SATB1: variants seen among roughly 807,000 people sequenced by gnomAD.
SATB1 encodes the protein SATB homeobox 1, also known as DNA-binding protein SATB1.
A neutral mutation model predicts 86.9 loss-of-function variants in SATB1; 11 were observed. That is an observed-to-expected ratio of 0.13 (90% CI 0.08 to 0.21). The LOEUF (loss-of-function observed/expected upper bound fraction) is 0.21, where lower values mean the gene tolerates loss of function less well. SATB1 is among the 10% of genes least tolerant of loss of function. The pLI, the probability that SATB1 is intolerant of heterozygous loss-of-function variation, is 1.00. For synonymous variants in SATB1, 357 were observed against 357.2 expected (o/e 1.00, Z 0.01); for missense variants, 551 against 937.6 (o/e 0.59, Z 5.39).
At position 18,444,723 on chromosome 3, in the gene SATB1, TGCCGCCGCC is replaced by T; in HGVS notation, c.-25+786_-25+794del. 1 of 879,126 alleles carries T rather than the reference TGCCGCCGCC, an allele frequency of 1.1e-6. No individual in the cohort carries two copies. Among genetic ancestry groups the T allele is most frequent in the Non-Finnish European group, 1.4e-6 (1 of 734,010 alleles). The allele number at this position is 879,126 out of a possible 1,614,324, so 54.5% of individuals were successfully genotyped here. On this transcript the variant is annotated intron_variant, in intron 1 of 3. Coordinates refer to the SATB1 transcript ENST00000415069. The surrounding 1 kb of genome is among the most constrained non-coding windows in gnomAD (Gnocchi z 5.1). ...CCGAGGCGGCGGCTTCTGCCTCTCC[TGCCGCCGCC>T]GCCGCCGCCGGAGCTGCGGCTGCCG...
At chr3:18,445,465 G>A (rs1699370088) in intron 1 of SATB1, 1 of 985,010 alleles carries the variant, frequency 1.0e-6, no homozygotes, top group African/African-American at 1.8e-5. Flanking sequence ...GCTTGGGGGT[G>A]CGCTTGGGGT....
At chr3:18,399,759 A>G (rs148668434) in intron 5 of SATB1, among the ~76,000 whole-genome samples, 1 of 152,180 alleles carries the variant, frequency 6.6e-6, no homozygotes, top group Non-Finnish European at 1.5e-5. Context: ...TGCATGACAA[A>G]GCAACTTTTT....
At position 18,397,270 on chromosome 3, in the gene SATB1, C is replaced by A; in HGVS notation, c.660G>T (p.Val220=). The A allele has an allele frequency of 6.2e-7, 1 of 1,605,922 alleles. No individual in the cohort carries two copies. Among genetic ancestry groups the A allele is most frequent in the South Asian group, 1.1e-5 (1 of 90,882 alleles). ...AGACATTTGCATAGTAAGTACTGTT[C>A]ACAATGGAAGAAATCATACTCTGCA... The part of the protein sequence containing the change: ...PLSQSMISSI[V]NSTYYANVSA... Residue 220 remains valine, a synonymous_variant, in exon 6 of 11, where the codon GTG becomes GTT. Transcript: ENST00000338745.
rs112056425 is a variant in SATB1, at chr3:18,362,864, A to C, written c.1576-10669T>G. Among the ~76,000 whole-genome samples, 574 of 136,930 alleles carry C rather than the reference A, an allele frequency of 4.2e-3. 10 individuals are homozygous for C. The highest frequency in any genetic ancestry group is 0.017 in the African/African-American group (548 of 31,888). The allele number at this position is 136,930 out of a possible 152,430, so 89.8% of individuals were successfully genotyped here. On this transcript the variant is annotated intron_variant, in intron 9 of 10. Coordinates refer to ENST00000338745, the MANE Select transcript of SATB1 (RefSeq NM_002971.6). ...AATATTCATATATGCCATGTGCAAA[A>C]AAAAAAAAAAAAAAAAACCAAAACC... is the stretch of plus-strand genomic sequence containing the variant.
At chr3:18,363,467 G>A (rs1695021217) in intron 9 of SATB1, among the ~76,000 whole-genome samples, 1 of 152,258 alleles carries the variant, frequency 6.6e-6, no homozygotes, top group Admixed American at 6.5e-5. Context: ...GGAGACAAGG[G>A]AGACTGGGGC....
chr3:18,369,055 A>G (rs1695323674), intron 9 of SATB1, among the ~76,000 whole-genome samples: 1 of 152,122 alleles, frequency 6.6e-6, no homozygotes. Flanking sequence ...CAAATCAATT[A>G]CACAAATCCA....
At chr3:18,388,883 T>G (rs1165792520) in intron 7 of SATB1, among the ~76,000 whole-genome samples, 2 of 152,118 alleles carry the variant, frequency 1.3e-5, no homozygotes, top group Non-Finnish European at 2.9e-5. Flanking sequence ...TCAAAAATAT[T>G]TCCTGAGGCA....
In SATB1 at chr3:18,349,969, CAT is replaced by C; in HGVS notation, c.1780-289_1780-288del. 1 of 437,464 alleles carries C rather than the reference CAT, an allele frequency of 2.3e-6. No individual in the cohort carries two copies. The highest frequency in any genetic ancestry group is 5.7e-5 in the South Asian group (1 of 17,402). The allele number at this position is 437,464 out of a possible 1,614,324, so 27.1% of individuals were successfully genotyped here. A position where few individuals can be genotyped will look rare whatever the true frequency, so the allele number is the denominator to read the frequency against. Reference sequence around the variant, plus strand: ...AACTCAGTGCTCTGAAAATGTGAGCCATAAAATTCACTAGAATGATACGCATC... The same window carrying C: ...AACTCAGTGCTCTGAAAATGTGAGCCAAAATTCACTAGAATGATACGCATC... On this transcript the variant is annotated intron_variant, in intron 10 of 10. Transcript: ENST00000338745. The surrounding 1 kb of genome is among the most constrained non-coding windows in gnomAD (Gnocchi z 5.5).
intron 5 of SATB1, among the ~76,000 whole-genome samples, chr3:18,401,214 G>A (rs991459633): frequency 7.2e-5 from 11 of 152,136 alleles, no homozygotes; most frequent in Non-Finnish European, 1.3e-4. Flanking sequence ...ACACAGACTA[G>A]GTGATCAATA....
intron 8 of SATB1, among the ~76,000 whole-genome samples, chr3:18,379,764 C>T (rs1418341751): frequency 6.6e-6 from 1 of 152,192 alleles, no homozygotes; most frequent in African/African-American, 2.4e-5. Flanking sequence ...CATGATACCA[C>T]CTTTCCAAGC....
intron 9 of SATB1, among the ~76,000 whole-genome samples, chr3:18,370,753 CAGAGGCCTCATCA>C (rs1237981879): frequency 6.6e-6 from 1 of 151,978 alleles, no homozygotes; most frequent in Non-Finnish European, 1.5e-5. Flanking sequence ...GAACAGAAAA[CAGAGGCCTCATCA>C]AGAAAAGGGC....
At position 18,346,606 on chromosome 3, in the gene SATB1, G is replaced by GTA. The variant is rs1226919644; in HGVS notation, c.*2562_*2563dup. 1 of 150,732 alleles carries GTA rather than the reference G, an allele frequency of 6.6e-6. No homozygotes were observed. Among genetic ancestry groups the GTA allele is most frequent in the Non-Finnish European group, 1.5e-5 (1 of 67,754 alleles). 9.3% of individuals were successfully genotyped at this position (150,732 alleles called of 1,614,324 possible). ...TGTGTGTGTGTGTGTGTGTGTGTGT[G>GTA]TATGTGTGGGCATTTAAAATATCAA... On this transcript the variant is annotated 3_prime_UTR_variant, in exon 11 of 11. Transcript: ENST00000338745.
At chr3:18,368,005 G>T (rs1288467742) in intron 9 of SATB1, among the ~76,000 whole-genome samples, 1 of 152,108 alleles carries the variant, frequency 6.6e-6, no homozygotes, top group African/African-American at 2.4e-5. Context: ...AAGGGCATTA[G>T]CAATGAAACC....
intron 7 of SATB1, among the ~76,000 whole-genome samples, chr3:18,390,038 A>G (rs992165168): frequency 6.6e-6 from 1 of 152,184 alleles, no homozygotes; most frequent in Admixed American, 6.5e-5. Flanking sequence ...TTACATTCCA[A>G]AAACAGTTTA....
chr3:18,388,015 T>A (rs1021166932), intron 7 of SATB1, among the ~76,000 whole-genome samples: 1 of 152,146 alleles, frequency 6.6e-6, no homozygotes, highest in Non-Finnish European at 1.5e-5. Context: ...TTTTAACAGG[T>A]GCAGAGGGCT....
intron 5 of SATB1, 46 bp downstream of exon 5, chr3:18,415,065 G>A (rs762092673): frequency 1.6e-5 from 26 of 1,605,268 alleles, no homozygotes; most frequent in Non-Finnish European, 2.0e-5. Flanking sequence ...CTCAAATCAG[G>A]GTTGCCCATG....
rs12492270 is a variant in SATB1, at chr3:18,349,811, A to T, written c.1780-129T>A. Reference sequence around the variant, plus strand: ...CTTTGATAGGGATGAAGATTTAGAAAGAAAAGGTAGGCCGGCGAAATGGCC... The same window carrying T: ...CTTTGATAGGGATGAAGATTTAGAATGAAAAGGTAGGCCGGCGAAATGGCC... On this transcript the variant is annotated intron_variant, in intron 10 of 10. Coordinates refer to ENST00000338745, the MANE Select transcript of SATB1 (RefSeq NM_002971.6). The surrounding 1 kb of genome is among the most constrained non-coding windows in gnomAD (Gnocchi z 5.5). 845,412 of 1,416,880 alleles carry T rather than the reference A, an allele frequency of 0.6. 259,547 individuals are homozygous for T. The highest frequency in any genetic ancestry group is 0.79 in the East Asian group (31,455 of 39,708). 87.8% of individuals were successfully genotyped at this position (1,416,880 alleles called of 1,614,324 possible). A position where few individuals can be genotyped will look rare whatever the true frequency, so the allele number is the denominator to read the frequency against.
intron 5 of SATB1, among the ~76,000 whole-genome samples, chr3:18,413,623 TTTAAA>T (rs757178146): frequency 2.6e-4 from 40 of 152,094 alleles, no homozygotes; most frequent in Non-Finnish European, 2.6e-4. Flanking sequence ...TTGTGATTAA[TTTAAA>T]TTATTTTTAT....
intron 7 of SATB1, among the ~76,000 whole-genome samples, chr3:18,392,687 T>C (rs182324168): frequency 6.5e-4 from 99 of 152,146 alleles, no homozygotes; most frequent in Non-Finnish European, 1.3e-3. Context: ...TGAAATGTTA[T>C]GTAGAGACCT....
Sources: gnomAD v4.1 joint callset for allele counts (sites outside exome capture counted in the v4.1 genomes callset) on GRCh38, gnomAD v4.1.1 for gene constraint, Gnocchi (gnomAD v3.1) non-coding constraint, MANE v1.5 for transcripts, NCBI Gene and HGNC (gene_info 2026-07-23, HGNC 2026-07-21) for gene names.